The following MANBA variants were observed in gnomAD, a reference collection of about 807,000 sequenced individuals.
MANBA encodes the protein beta-mannosidase.
A neutral mutation model predicts 111.1 loss-of-function variants in MANBA; 83 were observed. That is an observed-to-expected ratio of 0.75 (90% CI 0.63 to 0.90). MANBA has a LOEUF of 0.90. Ranked by LOEUF, MANBA falls within the 40% of genes least tolerant of loss-of-function variation. The pLI is 0.00. For synonymous variants in MANBA, 370 were observed against 378.7 expected (o/e 0.98, Z 0.27); for missense variants, 1,036 against 1,069.0 (o/e 0.97, Z 0.43).
At chr4:102,663,752 A>G (rs907506112) in intron 11 of MANBA, among the ~76,000 whole-genome samples, 1 of 152,260 alleles carries the variant, frequency 6.6e-6, no homozygotes, top group Non-Finnish European at 1.5e-5. Flanking sequence ...AAAAGTGTAA[A>G]GACAACCAGA....
intron 11 of MANBA, 105 bp downstream of exon 11, chr4:102,664,580 C>T (rs1474679955): frequency 3.6e-5 from 35 of 980,716 alleles, no homozygotes; most frequent in African/African-American, 1.6e-4. Context: ...CCTTGTGATC[C>T]GCCCGCCTCA....
intron 10 of MANBA, chr4:102,667,074 C>T (rs542237901): frequency 4.0e-4 from 61 of 152,172 alleles, no homozygotes; most frequent in African/African-American, 1.4e-3. Context: ...TCAAATTGTC[C>T]CCCTTTTGGT....
At chr4:102,683,118 A>G (rs1419461251) in intron 7 of MANBA, among the ~76,000 whole-genome samples, 1 of 151,998 alleles carries the variant, frequency 6.6e-6, no homozygotes, top group Non-Finnish European at 1.5e-5. Flanking sequence ...TGCCCTGTGC[A>G]ATTTGCAAAG....
chr4:102,658,090 T>A (rs961883772), intron 11 of MANBA, among the ~76,000 whole-genome samples, 190 bp from the exon 12 acceptor site: 2 of 152,254 alleles, frequency 1.3e-5, no homozygotes, highest in South Asian at 2.1e-4. Context: ...ATCCTTTATA[T>A]CTTTTCATAA....
Position 102,631,904 on chromosome 4 carries a change from T to A in MANBA, c.*153A>T, listed in dbSNP as rs544611627. The A allele has an allele frequency of 2.8e-6, 2 of 726,030 alleles. No individual in the cohort carries two copies. 45.0% of individuals were successfully genotyped at this position (726,030 alleles called of 1,614,324 possible). ...AACAGCCTCCCCTGAAAGTGTTCAG[T>A]GTACAACTCTTCACAGAGCAATCGC... is the stretch of plus-strand genomic sequence containing the variant. On this transcript the variant is annotated 3_prime_UTR_variant, in exon 17 of 17. Coordinates refer to ENST00000647097, the MANE Select transcript of MANBA (RefSeq NM_005908.4).
At chr4:102,738,237 T>C (rs954874454) in intron 1 of MANBA, among the ~76,000 whole-genome samples, 11 of 152,254 alleles carry the variant, frequency 7.2e-5, no homozygotes, top group African/African-American at 2.7e-4. Flanking sequence ...GCCTGCAATA[T>C]CCTGGTTAAC....
intron 1 of MANBA, among the ~76,000 whole-genome samples, chr4:102,733,664 C>T (rs1375513716): frequency 6.6e-6 from 1 of 152,218 alleles, no homozygotes; most frequent in Non-Finnish European, 1.5e-5. Context: ...CTGGCCGGTT[C>T]TCTCTGCTTT....
chr4:102,736,986 C>A (rs536772112), intron 1 of MANBA, among the ~76,000 whole-genome samples: 1 of 152,250 alleles, frequency 6.6e-6, no homozygotes, highest in African/African-American at 2.4e-5. Flanking sequence ...TTAACCTTAC[C>A]TAGAGCTGAA....
intron 1 of MANBA, chr4:102,751,673 C>G (rs1468392870): frequency 1.8e-6 from 1 of 542,434 alleles, no homozygotes; most frequent in African/African-American, 1.9e-5. Context: ...ACACAGCACC[C>G]CAGCCAGAGC....
rs1311838807 is a variant in MANBA, at chr4:102,636,143, C to G, written c.2015-136G>C. The G allele has an allele frequency of 4.9e-5, 38 of 772,306 alleles. 2 individuals are homozygous for G. In the South Asian group the frequency reaches 5.5e-4, roughly 11 times the overall value. The allele number at this position is 772,306 out of a possible 1,614,324, so 47.8% of individuals were successfully genotyped here. On this transcript the variant is annotated intron_variant, in intron 14 of 16. Coordinates refer to ENST00000647097, the MANE Select transcript of MANBA (RefSeq NM_005908.4). ...GAGGGAGAGTCAACAGTGGAGGGCA[C>G]CCATGTTTGTGAAGCGCTCTGAGCA...
chr4:102,751,614 C>T, intron 1 of MANBA: 1 of 540,590 alleles, frequency 1.8e-6, no homozygotes, highest in Non-Finnish European at 3.8e-6. Context: ...ACACATGGAA[C>T]TGGAGAACAT....
chr4:102,700,311 T>G (rs1732965307), intron 5 of MANBA, among the ~76,000 whole-genome samples: 1 of 152,082 alleles, frequency 6.6e-6, no homozygotes. Context: ...AAAAACCAGC[T>G]CCTGGATTCA....
At chr4:102,735,324 AC>A (rs143194252) in intron 1 of MANBA, among the ~76,000 whole-genome samples, 1,600 of 151,936 alleles carry the variant, frequency 0.011, 29 homozygotes, top group African/African-American at 0.036. Flanking sequence ...CCTCTTTTCA[AC>A]CCTTCAACCC....
chr4:102,641,890 T>A (rs1367349346), intron 13 of MANBA, among the ~76,000 whole-genome samples: 2 of 151,252 alleles, frequency 1.3e-5, no homozygotes, highest in African/African-American at 2.4e-5. Flanking sequence ...GAGCACAAAG[T>A]GGCTCTATCT....
chr4:102,664,811 A>C lies in MANBA; in HGVS notation c.1359T>G (p.Ser453Arg). The C allele has an allele frequency of 1.9e-6, 3 of 1,609,530 alleles. No homozygotes were observed. Among genetic ancestry groups the C allele is most frequent in the Non-Finnish European group, 2.6e-6 (3 of 1,175,838 alleles). ...GCGCCTCCTCATTTTCATTATTGCC[A>C]CTCCATATGATGATAGAAGGATGAG... ...LKSHPSIIIW[S>R]GNNENEEALM... Residue 453 changes from serine to arginine, a missense_variant, in exon 11 of 17, where the codon AGT becomes AGG. Physicochemically the swap from Ser to Arg is moderately radical, Grantham distance 110. Transcript: ENST00000647097.
intron 16 of MANBA, among the ~76,000 whole-genome samples, chr4:102,632,756 CT>C (rs2110186212): frequency 6.6e-6 from 1 of 152,358 alleles, no homozygotes; most frequent in South Asian, 2.1e-4. Context: ...ACCATTAGAG[CT>C]TATCTCTTTT....
intron 1 of MANBA, among the ~76,000 whole-genome samples, chr4:102,756,433 T>C (rs1435367076): frequency 6.6e-6 from 1 of 151,976 alleles, no homozygotes. Flanking sequence ...TGAGAACACT[T>C]GGGCACAGGA....
At chr4:102,727,955 G>T in intron 1 of MANBA, 1 of 445,404 alleles carries the variant, frequency 2.2e-6, no homozygotes, top group South Asian at 1.9e-5. Context: ...GAACTTTTCT[G>T]GAATGTACGA....
chr4:102,702,476 A>G (rs28390165), intron 5 of MANBA, among the ~76,000 whole-genome samples: 4,020 of 151,518 alleles, frequency 0.027, 118 homozygotes, highest in African/African-American at 0.075. Flanking sequence ...TTTTTTCCCA[A>G]TCTTTGCGGT....
Sources: allele counts gnomAD v4.1 joint callset (sites outside exome capture counted in the v4.1 genomes callset), GRCh38; gene constraint gnomAD v4.1.1; transcripts MANE v1.5; gene names NCBI Gene and HGNC (gene_info 2026-07-23, HGNC 2026-07-21).